The following PEAK1 variants were observed in gnomAD, a reference collection of about 807,000 sequenced individuals.
PEAK1 encodes pseudopodium enriched atypical kinase 1.
PEAK1 carries 54 observed loss-of-function variants against 124.7 expected under a neutral mutation model. That is an observed-to-expected ratio of 0.43 (90% confidence interval 0.35 to 0.54). The LOEUF (loss-of-function observed/expected upper bound fraction) is 0.54. Ranked by LOEUF, PEAK1 falls within the 20% of genes least tolerant of loss-of-function variation. The probability of loss-of-function intolerance (pLI) is 0.01; values close to 1 mark genes in which losing one functional copy is unlikely to be tolerated. For synonymous variants in PEAK1, 719 were observed against 760.0 expected (o/e 0.95, Z 0.89); for missense variants, 2,046 against 2,134.5 (o/e 0.96, Z 0.82).
At chr15:77,152,194 G>A (rs940220588) in intron 8 of PEAK1, among the ~76,000 whole-genome samples, 12 of 152,022 alleles carry the variant, frequency 7.9e-5, no homozygotes, top group Admixed American at 7.2e-4. Context: ...TCCTTGAAGA[G>A]GTCCTTCACA....
rs1214906209 is a variant in PEAK1 at position 77,109,532 on chromosome 15, C to T, written c.*4624G>A. 1 of 152,192 alleles carries T rather than the reference C, an allele frequency of 6.6e-6. No homozygotes were observed. Among genetic ancestry groups the T allele is most frequent in the Admixed American group, 6.5e-5 (1 of 15,278 alleles). 9.4% of individuals were successfully genotyped at this position (152,192 alleles called of 1,614,324 possible). On this transcript the variant is annotated 3_prime_UTR_variant, in exon 10 of 10. Transcript: ENST00000682557. The stretch of plus-strand genomic sequence containing the variant: ...TAATCTCTCCCAGGATCTTGCACTG[C>T]AACTCTTCTGGCTTCCCTTATGGCA...
At position 77,111,767 on chromosome 15, in the gene PEAK1, A is replaced by G. The variant is rs2152706031; in HGVS notation, c.*2389T>C. 1 of 152,352 alleles carries G rather than the reference A, an allele frequency of 6.6e-6. No individual in the cohort carries two copies. The highest frequency in any genetic ancestry group is 1.9e-4 in the East Asian group (1 of 5,194). 9.4% of individuals were successfully genotyped at this position (152,352 alleles called of 1,614,324 possible). Reference sequence around the variant, plus strand: ...AAGTAGAGACATAACAAATAGAGGGACCAGGAAACATTCAGCATTAAATAT... The same window carrying G: ...AAGTAGAGACATAACAAATAGAGGGGCCAGGAAACATTCAGCATTAAATAT... On this transcript the variant is annotated 3_prime_UTR_variant, in exon 10 of 10. Coordinates refer to ENST00000682557, the MANE Select transcript of PEAK1 (RefSeq NM_001385026.1).
At chr15:77,217,731 A>C (rs2059211442) in intron 6 of PEAK1, among the ~76,000 whole-genome samples, 1 of 152,202 alleles carries the variant, frequency 6.6e-6, no homozygotes, top group South Asian at 2.1e-4. Context: ...GATAGACTAA[A>C]TGGCTGATAT....
intron 6 of PEAK1, among the ~76,000 whole-genome samples, chr15:77,207,805 C>G (rs746365878): frequency 7.9e-5 from 12 of 152,070 alleles, no homozygotes; most frequent in Non-Finnish European, 1.3e-4. Context: ...GAATGTACAA[C>G]AAAAAGAGAA....
intron 7 of PEAK1, among the ~76,000 whole-genome samples, chr15:77,176,261 GA>G (rs34451095): frequency 7.4e-5 from 7 of 95,006 alleles, no homozygotes; most frequent in South Asian, 7.6e-4. Context: ...ATAATAAGAA[GA>G]AAAAAAAAAG....
At chr15:77,292,252 T>C (rs1479866124) in intron 2 of PEAK1, among the ~76,000 whole-genome samples, 2 of 152,168 alleles carry the variant, frequency 1.3e-5, no homozygotes, top group Non-Finnish European at 2.9e-5. Flanking sequence ...AACATTTTCA[T>C]CAACTAGCCA....
At chr15:77,262,497 C>T (rs1001990152) in intron 5 of PEAK1, among the ~76,000 whole-genome samples, 21 of 151,144 alleles carry the variant, frequency 1.4e-4, no homozygotes, top group Admixed American at 1.3e-3. Context: ...CAATAAAGAT[C>T]AAAAGAGACA....
chr15:77,263,666 T>C (rs1567183974), intron 5 of PEAK1, among the ~76,000 whole-genome samples: 2 of 152,208 alleles, frequency 1.3e-5, no homozygotes, highest in African/African-American at 2.4e-5. Flanking sequence ...AGCCGAATTC[T>C]ACTAAAGGTA....
At chr15:77,146,423 G>C (rs2054179503) in intron 8 of PEAK1, among the ~76,000 whole-genome samples, 3 of 152,190 alleles carry the variant, frequency 2.0e-5, no homozygotes, top group South Asian at 4.1e-4. Context: ...AATGTCAGTC[G>C]TATAGCAGCT....
chr15:77,371,482 T>C (rs1010754142), intron 1 of PEAK1: 20 of 980,806 alleles, frequency 2.0e-5, no homozygotes, highest in Non-Finnish European at 2.4e-5. Context: ...ATCTTTATTG[T>C]AGCCTTTGTT....
intron 7 of PEAK1, among the ~76,000 whole-genome samples, chr15:77,176,435 C>G (rs1028930619): frequency 6.6e-6 from 1 of 152,052 alleles, no homozygotes; most frequent in African/African-American, 2.4e-5. Flanking sequence ...GGACCAGCAG[C>G]ATCAGTATCA....
intron 7 of PEAK1, among the ~76,000 whole-genome samples, chr15:77,173,398 T>C (rs866434720): frequency 1.3e-5 from 2 of 152,224 alleles, no homozygotes; most frequent in Non-Finnish European, 2.9e-5. Flanking sequence ...GTATATGCTG[T>C]AGAAGATTAA....
chr15:77,238,289 A>T (rs2152906403), intron 6 of PEAK1, among the ~76,000 whole-genome samples: 1 of 152,238 alleles, frequency 6.6e-6, no homozygotes, highest in Non-Finnish European at 1.5e-5. Flanking sequence ...ATTAGTAATT[A>T]TAGGATTATT....
At chr15:77,349,746 T>A in intron 2 of PEAK1, 2 of 985,204 alleles carry the variant, frequency 2.0e-6, no homozygotes, top group Non-Finnish European at 2.4e-6. Flanking sequence ...TTCTTAGACT[T>A]AAGTTGAGAT....
intron 6 of PEAK1, among the ~76,000 whole-genome samples, chr15:77,229,993 A>AT (rs1275501037): frequency 1.3e-5 from 2 of 152,090 alleles, no homozygotes; most frequent in Non-Finnish European, 2.9e-5. Flanking sequence ...TTATTTTGTG[A>AT]TTAATATGTG....
At chr15:77,298,369 C>T (rs2063620042) in intron 2 of PEAK1, among the ~76,000 whole-genome samples, 1 of 151,048 alleles carries the variant, frequency 6.6e-6, no homozygotes, top group Admixed American at 6.6e-5. Context: ...CAGGCGCCCG[C>T]CACCACGCCC....
intron 5 of PEAK1, among the ~76,000 whole-genome samples, chr15:77,259,943 T>A (rs1377563978): frequency 4.6e-5 from 7 of 152,166 alleles, no homozygotes; most frequent in African/African-American, 1.2e-4. Flanking sequence ...GCTAAAGTAA[T>A]CTGAATAAGG....
chr15:77,123,276 C>A (rs2052079960), intron 9 of PEAK1, among the ~76,000 whole-genome samples: 1 of 152,196 alleles, frequency 6.6e-6, no homozygotes, highest in Non-Finnish European at 1.5e-5. Context: ...CAAATTTCCT[C>A]TGTGGTCTCG....
intron 1 of PEAK1, among the ~76,000 whole-genome samples, chr15:77,407,070 T>C (rs1424305059): frequency 6.6e-6 from 1 of 152,184 alleles, no homozygotes; most frequent in Non-Finnish European, 1.5e-5. Context: ...GCTAGCCACA[T>C]GTAGAAGAAT....
Sources: gnomAD v4.1 joint callset for allele counts (sites outside exome capture counted in the v4.1 genomes callset) on GRCh38, gnomAD v4.1.1 for gene constraint, MANE v1.5 for transcripts, NCBI Gene and HGNC (gene_info 2026-07-23, HGNC 2026-07-21) for gene names.